The following GRM5 variants were observed in gnomAD, a reference collection of about 807,000 sequenced individuals.
GRM5 encodes glutamate metabotropic receptor 5, also known as metabotropic glutamate receptor 5.
GRM5 carries 19 observed loss-of-function variants against 83.1 expected under a neutral mutation model. That is an observed-to-expected ratio of 0.23 (90% CI 0.16 to 0.34). GRM5 has a LOEUF of 0.34. GRM5 is among the 10% of genes least tolerant of loss of function. GRM5 has a pLI of 1.00. For synonymous variants in GRM5, 675 were observed against 633.6 expected, an observed-to-expected ratio of 1.07 and a Z score of -0.98; for missense variants, 1,160 against 1,588.3, an observed-to-expected ratio of 0.73 and a Z score of 4.58.
intron 3 of GRM5, among the ~76,000 whole-genome samples, chr11:88,807,306 T>A (rs1316451555): frequency 6.6e-6 from 1 of 152,136 alleles, no homozygotes; most frequent in Non-Finnish European, 1.5e-5. Flanking sequence ...ATGAAGCATA[T>A]TACTGAATTT....
chr11:88,715,192 A>T (rs1230935847), intron 3 of GRM5, among the ~76,000 whole-genome samples: 1 of 152,024 alleles, frequency 6.6e-6, no homozygotes, highest in Non-Finnish European at 1.5e-5. Flanking sequence ...TACATACTAT[A>T]ATAGATGCTC....
At chr11:88,664,359 T>A (rs1041506478) in intron 3 of GRM5, among the ~76,000 whole-genome samples, 18 of 152,100 alleles carry the variant, frequency 1.2e-4, no homozygotes, top group Non-Finnish European at 1.9e-4. Context: ...GTTGTGTCTG[T>A]ACTGAACATG....
At chr11:88,644,876 G>A (rs1939396846) in intron 4 of GRM5, among the ~76,000 whole-genome samples, 1 of 152,078 alleles carries the variant, frequency 6.6e-6, no homozygotes, top group Non-Finnish European at 1.5e-5. Flanking sequence ...GTGTGTACAG[G>A]AGAGCACTGT....
intron 2 of GRM5, among the ~76,000 whole-genome samples, chr11:88,952,811 A>G (rs1938504121): frequency 6.6e-6 from 1 of 152,286 alleles, no homozygotes; most frequent in South Asian, 2.1e-4. Flanking sequence ...CTTAAATGAG[A>G]AAAAAAGAGA....
At chr11:88,798,820 A>AAAAAAAAC (rs1565236189) in intron 3 of GRM5, among the ~76,000 whole-genome samples, 58 of 136,206 alleles carry the variant, frequency 4.3e-4, no homozygotes, top group South Asian at 7.2e-4. Flanking sequence ...AAAAAAAAAA[A>AAAAAAAAC]AAAAAAACAA....
In GRM5 at chr11:88,675,526, G is replaced by T. The variant is rs1239809670; in HGVS notation, c.912-22123C>A. Among the ~76,000 whole-genome samples, 3 of 151,786 alleles carry T rather than the reference G, an allele frequency of 2.0e-5. No homozygotes were observed. The Admixed American group carries it at 2.0e-4, about 10-fold the overall frequency. On this transcript the variant is annotated intron_variant, in intron 3 of 9. Coordinates refer to ENST00000305447, the MANE Select transcript of GRM5 (RefSeq NM_001143831.3). ...GTCTTCAAGAAAATTAGAGTATTTTGGTTAACAAAATTTTGATATAGAAAA... is the reference window on the plus strand; with the variant it reads ...GTCTTCAAGAAAATTAGAGTATTTTTGTTAACAAAATTTTGATATAGAAAA...
chr11:88,823,632 G>A (rs1421484065), intron 3 of GRM5, among the ~76,000 whole-genome samples: 2 of 152,090 alleles, frequency 1.3e-5, no homozygotes, highest in African/African-American at 2.4e-5. Context: ...GATCACCCAT[G>A]TTGAGCTGGT....
intron 2 of GRM5, among the ~76,000 whole-genome samples, chr11:88,934,921 TG>T (rs1441970336): frequency 6.6e-6 from 1 of 151,946 alleles, no homozygotes. Context: ...CCAAATTCTA[TG>T]ATCTAAAGCT....
At chr11:88,969,994 T>A (rs1939118396) in intron 2 of GRM5, among the ~76,000 whole-genome samples, 1 of 152,104 alleles carries the variant, frequency 6.6e-6, no homozygotes, top group South Asian at 2.1e-4. Flanking sequence ...TTAATACTTA[T>A]TTTTTCCAAT....
In GRM5 at chr11:88,794,744, G is replaced by A. The variant is rs532848109; in HGVS notation, c.911+55162C>T. Reference sequence around the variant, plus strand: ...GATGATGAACGAGTGTTAAGGTGAAGCATCATATCCTGTTACTGGAGGGTT... The same window carrying A: ...GATGATGAACGAGTGTTAAGGTGAAACATCATATCCTGTTACTGGAGGGTT... On this transcript the variant is annotated intron_variant, in intron 3 of 9. Transcript: ENST00000305447. Among the ~76,000 whole-genome samples, 3 of 152,294 alleles carry A rather than the reference G, an allele frequency of 2.0e-5. No individual in the cohort carries two copies. In the South Asian group the frequency reaches 6.2e-4, roughly 32 times the overall value.
At chr11:89,011,323 G>C (rs1322026751) in intron 2 of GRM5, among the ~76,000 whole-genome samples, 3 of 151,974 alleles carry the variant, frequency 2.0e-5, no homozygotes, top group African/African-American at 4.8e-5. Context: ...TTTGATGGTG[G>C]AGGGATTTTA....
chr11:88,663,858 A>T (rs529267264), intron 3 of GRM5, among the ~76,000 whole-genome samples: 4 of 152,220 alleles, frequency 2.6e-5, no homozygotes, highest in African/African-American at 9.6e-5. Context: ...TAATTTTTTT[A>T]TTGAACACCT....
In GRM5 at chr11:88,582,856, G is replaced by T. The variant is rs534895886; in HGVS notation, c.1690+7745C>A. 3.3e-5 allele frequency among the ~76,000 whole-genome samples: 5 copies of T among 152,136 alleles called. No homozygotes were observed. In the South Asian group the frequency reaches 1.0e-3, roughly 32 times the overall value. ...TTCTATAATTTCCTGAAAATATGGG[G>T]CTCTAAAATGTGATTGTGGAGAGAG... On this transcript the variant is annotated intron_variant, in intron 7 of 9. Transcript: ENST00000305447.
chr11:88,643,331 G>T (rs1259123203), intron 4 of GRM5, among the ~76,000 whole-genome samples: 1 of 152,056 alleles, frequency 6.6e-6, no homozygotes, highest in Non-Finnish European at 1.5e-5. Context: ...TCAAGGGGAT[G>T]GTGCTAAACT....
chr11:88,904,344 A>G (rs1292119867), intron 2 of GRM5, among the ~76,000 whole-genome samples: 1 of 152,204 alleles, frequency 6.6e-6, no homozygotes, highest in East Asian at 1.9e-4. Context: ...TCAACCAAAG[A>G]TAATTTATTT....
rs1368824626 is a variant in GRM5, at chr11:89,034,939, C to G, written c.661+12273G>C. Among the ~76,000 whole-genome samples the G allele has an allele frequency of 2.7e-5, 4 of 148,378 alleles. No individual in the cohort carries two copies. In the East Asian group the frequency reaches 7.9e-4, roughly 29 times the overall value. Reference sequence around the variant, plus strand: ...ATACAAAGTCGTATAATATTGCAAGCTTGATTTTTAGCATATGTATTTTAA... The same window carrying G: ...ATACAAAGTCGTATAATATTGCAAGGTTGATTTTTAGCATATGTATTTTAA... On this transcript the variant is annotated intron_variant, in intron 2 of 9. Coordinates refer to ENST00000305447, the MANE Select transcript of GRM5 (RefSeq NM_001143831.3).
chr11:89,057,902 A>G (rs1941911001), intron 1 of GRM5, among the ~76,000 whole-genome samples: 1 of 152,186 alleles, frequency 6.6e-6, no homozygotes, highest in Non-Finnish European at 1.5e-5. Context: ...AAGACTCACA[A>G]TAACCCTGTA....
At chr11:88,888,227 T>C (rs1945077740) in intron 2 of GRM5, among the ~76,000 whole-genome samples, 1 of 152,168 alleles carries the variant, frequency 6.6e-6, no homozygotes, top group African/African-American at 2.4e-5. Context: ...AGAATTTAAC[T>C]CAGGTATTTG....
Position 88,560,628 on chromosome 11 carries a change from C to T in GRM5, c.2630+6425G>A, listed in dbSNP as rs553433761. ...AGTCAGCAAAGTGAGTAATCTTGTTCACTCTGAAGGCAGTGTGAGCTCCAT... is the reference window on the plus strand; with the variant it reads ...AGTCAGCAAAGTGAGTAATCTTGTTTACTCTGAAGGCAGTGTGAGCTCCAT... On this transcript the variant is annotated intron_variant, in intron 8 of 9. Transcript: ENST00000305447. 1.1e-4 allele frequency among the ~76,000 whole-genome samples: 16 copies of T among 152,242 alleles called. No individual in the cohort carries two copies. The East Asian group carries it at 1.4e-3, about 13-fold the overall frequency.
Sources: gnomAD v4.1 joint callset for allele counts (sites outside exome capture counted in the v4.1 genomes callset) on GRCh38, gnomAD v4.1.1 for gene constraint, MANE v1.5 for transcripts, NCBI Gene and HGNC (gene_info 2026-07-23, HGNC 2026-07-21) for gene names.